Variants in FSTL4 observed in about 807,000 individuals in gnomAD.
FSTL4 encodes the protein follistatin like 4.
Under a neutral mutation model 78.2 loss-of-function variants are expected in FSTL4, and 28 were observed. The observed-to-expected ratio is 0.36, with a 90% confidence interval of 0.27 to 0.49. The LOEUF (loss-of-function observed/expected upper bound fraction) is 0.49. FSTL4 is among the 20% of genes least tolerant of loss of function. FSTL4 has a pLI of 0.98. For synonymous variants in FSTL4, 422 were observed against 440.5 expected (o/e 0.96, Z 0.53); for missense variants, 922 against 1,084.9 (o/e 0.85, Z 2.11).
At chr5:133,230,589 G>A (rs988281300) in intron 8 of FSTL4, among the ~76,000 whole-genome samples, 2 of 152,184 alleles carry the variant, frequency 1.3e-5, no homozygotes, top group Non-Finnish European at 2.9e-5. Flanking sequence ...TTGAGCCAAA[G>A]CGGGTAAGAT....
the FSTL4 span, among the ~76,000 whole-genome samples, chr5:133,813,541 A>G: frequency 3.9e-5 from 6 of 152,252 alleles, no homozygotes; most frequent in Admixed American, 6.5e-5. Flanking sequence ...TGAGGAAAGC[A>G]TAATGTCAAA....
At chr5:133,642,066 G>A in the FSTL4 span, among the ~76,000 whole-genome samples, 3 of 152,012 alleles carry the variant, frequency 2.0e-5, no homozygotes, top group Non-Finnish European at 4.4e-5. Context: ...ACACTTCCAG[G>A]CTTCCTTTGC....
At position 133,400,891 on chromosome 5, in the gene FSTL4, C is replaced by G; in HGVS notation, c.256G>C (p.Glu86Gln). Residue 86 changes from glutamate to glutamine, a missense_variant, in exon 4 of 16, where the codon GAA (glutamate) becomes CAA (glutamine). Physicochemically the swap from Glu to Gln is conservative, Grantham distance 29. Coordinates refer to ENST00000265342, the MANE Select transcript of FSTL4 (RefSeq NM_015082.2). ...CVLSRKTGEPECQCLEACRPS... is the reference protein window; with the variant it reads ...CVLSRKTGEPQCQCLEACRPS... Reference sequence around the variant, plus strand: ...CTGCATGCCTCCAGGCACTGGCATTCGGGCTCCCCTGTCTTCCTGCTGAGC... The same window carrying G: ...CTGCATGCCTCCAGGCACTGGCATTGGGGCTCCCCTGTCTTCCTGCTGAGC... The G allele has an allele frequency of 4.3e-6, 7 of 1,613,900 alleles. 1 individual carries two copies. The highest frequency in any genetic ancestry group is 2.7e-5 in the African/African-American group (2 of 75,066).
rs115561736 is a variant in FSTL4 at position 133,217,588 on chromosome 5, C to A, written c.1459-210G>T. On this transcript the variant is annotated intron_variant, in intron 12 of 15. Transcript: ENST00000265342. ...TTTTGGGGCTAAAACTCCCTTTGCA[C>A]CCGCTCAGTTAGCAGCTTCCAGGTT... 7.5e-3 allele frequency among the ~76,000 whole-genome samples: 1,140 copies of A among 152,306 alleles called. 18 individuals are homozygous for A. The highest frequency in any genetic ancestry group is 0.027 in the African/African-American group (1,109 of 41,566).
intron 2 of FSTL4, among the ~76,000 whole-genome samples, chr5:133,571,180 C>T (rs1760146406): frequency 6.6e-6 from 1 of 152,058 alleles, no homozygotes; most frequent in Admixed American, 6.5e-5. Flanking sequence ...AAAAATTAGG[C>T]TTTCCAAGAA....
chr5:133,566,359 A>G (rs575135990), intron 3 of FSTL4, among the ~76,000 whole-genome samples: 2 of 152,358 alleles, frequency 1.3e-5, no homozygotes, highest in African/African-American at 4.8e-5. Context: ...TTTAGTAGTC[A>G]ATATAGAATT....
At chr5:133,218,190 C>A (rs1750977919) in intron 12 of FSTL4, among the ~76,000 whole-genome samples, 1 of 152,240 alleles carries the variant, frequency 6.6e-6, no homozygotes, top group Non-Finnish European at 1.5e-5. Flanking sequence ...CAAAACCTTA[C>A]AATCTAGTGA....
At chr5:133,831,490 G>A in the FSTL4 span, among the ~76,000 whole-genome samples, 1,199 of 152,188 alleles carry the variant, frequency 7.9e-3, 21 homozygotes, top group African/African-American at 0.028. Flanking sequence ...CTGGCTAATG[G>A]CGTTATTAAT....
chr5:133,308,435 C>T (rs1399294571), intron 6 of FSTL4, among the ~76,000 whole-genome samples: 2 of 152,194 alleles, frequency 1.3e-5, no homozygotes, highest in Non-Finnish European at 2.9e-5. Context: ...GCCATCTAAG[C>T]TCCTTGTCTG....
At chr5:133,662,971 A>T in the FSTL4 span, among the ~76,000 whole-genome samples, 47 of 46,212 alleles carry the variant, frequency 1.0e-3, no homozygotes, top group Admixed American at 2.4e-3. Flanking sequence ...ACCCTGAGTT[A>T]AAAAAAAAGG....
At chr5:133,607,963 C>T (rs149802705) in intron 1 of FSTL4, among the ~76,000 whole-genome samples, 132 of 152,262 alleles carry the variant, frequency 8.7e-4, no homozygotes, top group African/African-American at 3.1e-3. Flanking sequence ...GAATCCCAGG[C>T]CGATGCCCCT....
At chr5:133,706,373 C>A in the FSTL4 span, among the ~76,000 whole-genome samples, 1 of 152,114 alleles carries the variant, frequency 6.6e-6, no homozygotes, top group Non-Finnish European at 1.5e-5. Context: ...CCTCTTTTAC[C>A]AAGCATGGTT....
chr5:133,247,183 C>G (rs1192331377), intron 7 of FSTL4: 1 of 152,186 alleles, frequency 6.6e-6, no homozygotes, highest in East Asian at 1.9e-4. Flanking sequence ...TGGGCCCTGC[C>G]TATTTGCGGG....
the FSTL4 span, among the ~76,000 whole-genome samples, chr5:133,780,309 T>C: frequency 6.6e-6 from 1 of 152,116 alleles, no homozygotes; most frequent in Admixed American, 6.5e-5. Context: ...CTCTCCCTGC[T>C]CTTCCCATCT....
At chr5:133,660,470 C>T in the FSTL4 span, among the ~76,000 whole-genome samples, 1 of 152,248 alleles carries the variant, frequency 6.6e-6, no homozygotes, top group Non-Finnish European at 1.5e-5. Context: ...CTGCTGCCCT[C>T]CTGCTGGCCA....
intron 2 of FSTL4, among the ~76,000 whole-genome samples, chr5:133,593,117 C>T (rs1207730693): frequency 1.3e-5 from 2 of 152,106 alleles, no homozygotes; most frequent in African/African-American, 2.4e-5. Context: ...AGCTGGGAGT[C>T]TCTAAGTGTC....
intron 2 of FSTL4, among the ~76,000 whole-genome samples, chr5:133,590,216 G>C (rs965406176): frequency 3.3e-5 from 5 of 152,102 alleles, no homozygotes; most frequent in African/African-American, 1.2e-4. Context: ...GATAAGAGGA[G>C]CCATTCAGAC....
chr5:133,817,700 A>G, the FSTL4 span, among the ~76,000 whole-genome samples: 1 of 152,232 alleles, frequency 6.6e-6, no homozygotes, highest in African/African-American at 2.4e-5. Context: ...CATGGGCAGA[A>G]CTTGGCAGGG....
intron 8 of FSTL4, among the ~76,000 whole-genome samples, chr5:133,226,883 G>A (rs1028901794): frequency 2.6e-5 from 4 of 151,878 alleles, no homozygotes; most frequent in Admixed American, 6.6e-5. Context: ...TGTGGATCCC[G>A]GGACCTGAGT....
Sources: gnomAD v4.1 joint callset for allele counts (sites outside exome capture counted in the v4.1 genomes callset) on GRCh38, gnomAD v4.1.1 for gene constraint, MANE v1.5 for transcripts, NCBI Gene and HGNC (gene_info 2026-07-23, HGNC 2026-07-21) for gene names.